The following KIFC2 variants were observed in gnomAD, a reference collection of about 807,000 sequenced individuals.
KIFC2 encodes the protein kinesin family member C2.
Under a neutral mutation model 91.5 loss-of-function variants are expected in KIFC2, and 94 were observed. That is an observed-to-expected ratio of 1.03 (90% CI 0.87 to 1.22). The LOEUF (loss-of-function observed/expected upper bound fraction) is 1.22. Ranked by LOEUF, KIFC2 falls within the 50% of genes most tolerant of loss-of-function variation. KIFC2 has a pLI of 0.00. For missense variants in KIFC2, 1,357 were observed against 1,103.3 expected (o/e 1.23, Z -3.26); for synonymous variants, 729 against 503.9 (o/e 1.45, Z -5.98).
chr8:144,468,647 G>A lies in KIFC2; in HGVS notation c.1000G>A (p.Ala334Thr). The change falls in exon 9 of 18, where the codon GCA becomes ACA. Residue 334 changes from alanine (A) to threonine (T), a missense_variant. Physicochemically the swap from Ala to Thr is moderately conservative, Grantham distance 58 (BLOSUM62 0). Transcript: ENST00000645548. ...GCTACAGCAGATGCATGGGCAGCTG[G>A]CAGGTAAGGGTTGGGGTTGGGGCTC... ...RELQQMHGQL[A>T]GLRARMASLR... 2 of 1,613,436 alleles carry A rather than the reference G, an allele frequency of 1.2e-6. No homozygotes were observed. The highest frequency in any genetic ancestry group is 1.1e-5 in the South Asian group (1 of 91,046).
intron 8 of KIFC2, 40 bp from the exon 9 acceptor site, chr8:144,468,496 C>G (rs772190988): frequency 8.8e-6 from 11 of 1,252,796 alleles, no homozygotes; most frequent in Non-Finnish European, 1.2e-5. Flanking sequence ...CTGGTAAGTG[C>G]CTGTTTCCTC....
chr8:144,468,941 G>A (rs777053545), intron 10 of KIFC2, 107 bp downstream of exon 10: 1 of 869,358 alleles, frequency 1.2e-6, no homozygotes, highest in Non-Finnish European at 1.8e-6. Flanking sequence ...TGGGGCTCTG[G>A]AACCCAAACA....
chr8:144,470,482 C>T lies in KIFC2; in HGVS notation c.1380+835C>T, dbSNP rs1382457336. On this transcript the variant is annotated intron_variant, in intron 12 of 17. Transcript: ENST00000645548. ...TTCTGCAGTGGTGCCATGATGTGCT[C>T]CTGAATGTCATCCTCAGTGCCACCT... 4.6e-5 allele frequency: 7 copies of T among 152,442 alleles called. No homozygotes were observed. In the East Asian group the frequency reaches 1.3e-3, roughly 29 times the overall value. 9.4% of individuals were successfully genotyped at this position (152,442 alleles called of 1,614,324 possible).
At position 144,473,037 on chromosome 8, in the gene KIFC2, GTGC is replaced by G. The variant is rs1564750538; in HGVS notation, c.2114_2116del (p.Leu705del). The G allele has an allele frequency of 7.1e-7, 1 of 1,418,294 alleles. No homozygotes were observed. The highest frequency in any genetic ancestry group is 9.1e-7 in the Non-Finnish European group (1 of 1,093,644). 87.9% of individuals were successfully genotyped at this position (1,418,294 alleles called of 1,614,324 possible). A position where few individuals can be genotyped will look rare whatever the true frequency, so the allele number is the denominator to read the frequency against. ...GGCGCTGGGCCCAGGCACCACCGCG[GTGC>G]TGCTGCTGCAGGTGGGCGCCGGGGC... On this transcript the variant is annotated inframe_deletion, in exon 17 of 18. Coordinates refer to ENST00000645548, the MANE Select transcript of KIFC2 (RefSeq NM_001369769.2).
chr8:144,467,346 G>A lies in KIFC2; in HGVS notation c.469+5G>A, dbSNP rs1267158458. The A allele has an allele frequency of 8.2e-6, 13 of 1,589,132 alleles. No individual in the cohort carries two copies. The highest frequency in any genetic ancestry group is 1.0e-5 in the Non-Finnish European group (12 of 1,168,942). ...TCCGGCCCCCCTCTCCAGATGGTGA[G>A]TAAAGGACAGTAAGTTGAAGAAGAA... On this transcript the variant is annotated splice_donor_5th_base_variant and intron_variant, in intron 4 of 17. Coordinates refer to ENST00000645548, the MANE Select transcript of KIFC2 (RefSeq NM_001369769.2).
In KIFC2 at chr8:144,473,674, C is replaced by G. The variant is rs995819341; in HGVS notation, c.*285C>G. On this transcript the variant is annotated 3_prime_UTR_variant, in exon 18 of 18. Transcript: ENST00000645548. The stretch of plus-strand genomic sequence containing the variant: ...ACGGCACACAGCAGGGAATCCCAGG[C>G]CCCCCCGCCAAGTGGTTACCCAAGT... The G allele has an allele frequency of 2.1e-6, 1 of 483,388 alleles. No individual in the cohort carries two copies. Among genetic ancestry groups the G allele is most frequent in the African/African-American group, 2.2e-5 (1 of 45,718 alleles). The allele number at this position is 483,388 out of a possible 1,614,324, so 29.9% of individuals were successfully genotyped here. A position where few individuals can be genotyped will look rare whatever the true frequency, so the allele number is the denominator to read the frequency against.
At chr8:144,469,070 G>A (rs1356290104) in intron 10 of KIFC2, among the ~76,000 whole-genome samples, 1 of 152,196 alleles carries the variant, frequency 6.6e-6, no homozygotes, top group Non-Finnish European at 1.5e-5. Context: ...CAGATGATGT[G>A]GTGTTCCTGC....
At chr8:144,472,543 C>T (rs747941194) in intron 15 of KIFC2, 34 bp from the exon 16 acceptor site, 2 of 1,612,090 alleles carry the variant, frequency 1.2e-6, no homozygotes, top group South Asian at 1.1e-5. Flanking sequence ...GGCGGGGACC[C>T]TGCACCTGAC....
chr8:144,472,178 A>G lies in KIFC2; in HGVS notation c.1526A>G (p.Gln509Arg), dbSNP rs1824953136. The change falls in exon 14 of 18, where the codon CAG becomes CGG. Residue 509 changes from glutamine (Q) to arginine (R), a missense_variant. Physicochemically the swap from Gln to Arg is conservative, Grantham distance 43 (BLOSUM62 1). Transcript: ENST00000645548. The part of the protein sequence containing the change: ...EDPGIVPRAL[Q>R]SLFREMGAGR... ...CCCGGCATAGTTCCTAGGGCGCTGC[A>G]GTCGCTGTTCCGGGAGATGGGGGCC... 1.2e-6 allele frequency: 2 copies of G among 1,613,316 alleles called. No individual in the cohort carries two copies. The highest frequency in any genetic ancestry group is 1.7e-6 in the Non-Finnish European group (2 of 1,180,000).
Position 144,466,457 on chromosome 8 carries a change from A to G in KIFC2, c.38A>G (p.Tyr13Cys), listed in dbSNP as rs1181188199. 7 of 1,357,796 alleles carry G rather than the reference A, an allele frequency of 5.2e-6. No homozygotes were observed. The highest frequency in any genetic ancestry group is 3.4e-5 in the East Asian group (1 of 29,448). The allele number at this position is 1,357,796 out of a possible 1,614,324, so 84.1% of individuals were successfully genotyped here. A position where few individuals can be genotyped will look rare whatever the true frequency, so the allele number is the denominator to read the frequency against. Reference sequence around the variant, plus strand: ...TACTCGTTGCTCATCTACATCTTCTACAGCCTCTTCCGCAGGGATGGTGGC... The same window carrying G: ...TACTCGTTGCTCATCTACATCTTCTGCAGCCTCTTCCGCAGGGATGGTGGC... Reference protein sequence around the residue: ...AFYSLLIYIFYSLFRRDGGAA... With the variant: ...AFYSLLIYIFCSLFRRDGGAA... Residue 13 changes from tyrosine to cysteine, a missense_variant, in exon 1 of 18, where the codon TAC (tyrosine) becomes TGC (cysteine). Physicochemically the swap from Tyr to Cys is radical, Grantham distance 194 (BLOSUM62 -2). Transcript: ENST00000645548.
Position 144,473,068 on chromosome 8 carries a change from G to GGCAGGT in KIFC2, c.2118+19_2118+24dup, listed in dbSNP as rs570903549. On this transcript the variant is annotated intron_variant, in intron 17 of 17. Transcript: ENST00000645548. The stretch of plus-strand genomic sequence containing the variant: ...CTGCTGCAGGTGGGCGCCGGGGCGG[G>GGCAGGT]GCAGGTGTGTGCGTGCCGGTCGCCG... 860 of 1,501,628 alleles carry GGCAGGT rather than the reference G, an allele frequency of 5.7e-4. 8 individuals carry two copies. In the African/African-American group the frequency reaches 0.011, roughly 19 times the overall value. 93.0% of individuals were successfully genotyped at this position (1,501,628 alleles called of 1,614,324 possible).
intron 15 of KIFC2, 21 bp from the exon 16 acceptor site, chr8:144,472,556 G>A (rs1468868102): frequency 4.3e-6 from 7 of 1,611,952 alleles, no homozygotes; most frequent in Non-Finnish European, 5.9e-6. Flanking sequence ...CACCTGACCA[G>A]CCCTTCGCCC....
chr8:144,466,621 GC>G (rs937744628), intron 1 of KIFC2, 103 bp downstream of exon 1: 1 of 862,794 alleles, frequency 1.2e-6, no homozygotes, highest in African/African-American at 1.8e-5. Flanking sequence ...GGGCGACGGG[GC>G]CGTGCCGAGG....
Position 144,468,847 on chromosome 8 carries a change from C to T in KIFC2, c.1113+13C>T, listed in dbSNP as rs1463883071. ...GGCCCGGGGCCAGGTCAGGACCCCT[C>T]CCCGCCTAGCCCCTCCTCTCTGGGC... is the stretch of plus-strand genomic sequence containing the variant. On this transcript the variant is annotated intron_variant, in intron 10 of 17. Coordinates refer to ENST00000645548, the MANE Select transcript of KIFC2 (RefSeq NM_001369769.2). 6.3e-7 allele frequency: 1 copy of T among 1,592,794 alleles called. No individual in the cohort carries two copies. The highest frequency in any genetic ancestry group is 1.1e-5 in the South Asian group (1 of 90,628).
At position 144,469,358 on chromosome 8, in the gene KIFC2, G is replaced by C; in HGVS notation, c.1201G>C (p.Gly401Arg). Residue 401 changes from glycine (G) to arginine (R), a missense_variant, in exon 11 of 18, where the codon GGG (glycine) becomes CGG (arginine). Gly to Arg is a moderately radical substitution (Grantham distance 125). Coordinates refer to ENST00000645548, the MANE Select transcript of KIFC2 (RefSeq NM_001369769.2). ...GQQGPPAGCP[G>R]RLPELKGNIR... ...GCAAGGGCCCCCAGCCGGATGCCCA[G>C]GGCGGCTGCCAGAACTCAAGGGTAT... 2 of 1,610,408 alleles carry C rather than the reference G, an allele frequency of 1.2e-6. No homozygotes were observed. The highest frequency in any genetic ancestry group is 8.5e-7 in the Non-Finnish European group (1 of 1,179,040).
rs764298120 is a variant in KIFC2 at position 144,473,299 on chromosome 8, C to T, written c.2286C>T (p.Thr762=). 2 of 1,605,754 alleles carry T rather than the reference C, an allele frequency of 1.2e-6. No homozygotes were observed. The highest frequency in any genetic ancestry group is 2.2e-5 in the East Asian group (1 of 44,484). ...CTCCGCTCACCGGGACCCCCTGCAC[C>T]CCTACGCCGTCCCCTGGCAGTCCTC... ...TDTPLTGTPC[T]PTPSPGSPPC... Residue 762 remains threonine (T), a synonymous_variant, in exon 18 of 18, where the codon ACC becomes ACT. Transcript: ENST00000645548.
upstream of KIFC2, chr8:144,466,322 G>T: frequency 3.1e-6 from 1 of 320,886 alleles, no homozygotes; most frequent in Non-Finnish European, 5.0e-6. Context: ...GGCGGCCGTC[G>T]CGAGCATGCG....
At chr8:144,469,154 C>G (rs777642230) in intron 10 of KIFC2, 117 bp from the exon 11 acceptor site, 19 of 847,226 alleles carry the variant, frequency 2.2e-5, no homozygotes, top group Non-Finnish European at 3.0e-5. Context: ...AAAGTTGTGG[C>G]TTAGCACAGC....
At chr8:144,469,770 T>G in intron 12 of KIFC2, 123 bp downstream of exon 12, 1 of 1,263,384 alleles carries the variant, frequency 7.9e-7, no homozygotes, top group Non-Finnish European at 1.1e-6. Context: ...GGCTGGGCTC[T>G]AGCCAGGAAG....
Sources: gnomAD v4.1 joint callset for allele counts (sites outside exome capture counted in the v4.1 genomes callset) on GRCh38, gnomAD v4.1.1 for gene constraint, MANE v1.5 for transcripts, NCBI Gene and HGNC (gene_info 2026-07-23, HGNC 2026-07-21) for gene names.